The following MRPL50 variants were observed in gnomAD, a reference collection of about 807,000 sequenced individuals.
The protein encoded by MRPL50 is mitochondrial ribosomal protein L50, also known as large ribosomal subunit protein mL50.
A neutral mutation model predicts 16.2 loss-of-function variants in MRPL50; 10 were observed. The ratio of observed to expected loss-of-function variants is 0.62; its 90% confidence interval spans 0.38 to 1.05. MRPL50 has a LOEUF of 1.05. MRPL50 is among the 50% of genes least tolerant of loss of function. The probability of loss-of-function intolerance (pLI) is 0.01; values close to 1 mark genes in which losing one functional copy is unlikely to be tolerated. For synonymous variants in MRPL50, 68 were observed against 66.8 expected, an observed-to-expected ratio of 1.02 and a Z score of -0.09; for missense variants, 213 against 187.1, an observed-to-expected ratio of 1.14 and a Z score of -0.81.
chr9:101,393,447 T>C (rs1237849681), intron 1 of MRPL50, among the ~76,000 whole-genome samples: 2 of 152,124 alleles, frequency 1.3e-5, no homozygotes, highest in African/African-American at 2.4e-5. Flanking sequence ...TGATATATGA[T>C]CTTACGTATC....
chr9:101,394,666 C>T (rs528396431), intron 1 of MRPL50, among the ~76,000 whole-genome samples: 27 of 152,250 alleles, frequency 1.8e-4, no homozygotes, highest in African/African-American at 5.8e-4. Context: ...AAAGTGAACC[C>T]GTTGGGCAGT....
chr9:101,395,707 A>C (rs1830330516), intron 1 of MRPL50, among the ~76,000 whole-genome samples: 1 of 146,772 alleles, frequency 6.8e-6, no homozygotes, highest in South Asian at 2.1e-4. Flanking sequence ...GTGTGAACCA[A>C]AAAAAAAAAA....
intron 1 of MRPL50, among the ~76,000 whole-genome samples, chr9:101,392,699 T>C (rs1263981547): frequency 6.6e-6 from 1 of 152,014 alleles, no homozygotes; most frequent in Admixed American, 6.6e-5. Flanking sequence ...CTAGCAAGCA[T>C]TTAAAGAAGA....
chr9:101,389,579 T>C lies in MRPL50; in HGVS notation c.*887A>G, dbSNP rs1249872971. 3 of 794,758 alleles carry C rather than the reference T, an allele frequency of 3.8e-6. No homozygotes were observed. Among genetic ancestry groups the C allele is most frequent in the East Asian group, 7.7e-5 (1 of 13,066 alleles). The allele number at this position is 794,758 out of a possible 1,614,324, so 49.2% of individuals were successfully genotyped here. A position where few individuals can be genotyped will look rare whatever the true frequency, so the allele number is the denominator to read the frequency against. On this transcript the variant is annotated 3_prime_UTR_variant, in exon 2 of 2. Coordinates refer to ENST00000374865, the MANE Select transcript of MRPL50 (RefSeq NM_019051.3). The stretch of plus-strand genomic sequence containing the variant: ...TCAGCAGTCAGAACAATATAAGACA[T>C]TCCTTCTGTCTCATTACTCTCCAGC...
rs752597494 is a variant in MRPL50, at chr9:101,390,612, C to T, written c.331G>A (p.Val111Ile). Residue 111 changes from valine to isoleucine, a missense_variant, in exon 2 of 2, where the codon GTA (valine) becomes ATA (isoleucine). By Grantham distance (29) the Val-to-Ile change is conservative. Coordinates refer to ENST00000374865, the MANE Select transcript of MRPL50 (RefSeq NM_019051.3). Reference sequence around the variant, plus strand: ...TGGTGGAGTCTGGAGTTAGGGACTACATGACCCAAGTCATCAGCTAAATGA... The same window carrying T: ...TGGTGGAGTCTGGAGTTAGGGACTATATGACCCAAGTCATCAGCTAAATGA... ...LAHLADDLGH[V>I]VPNSRLHQMC... The T allele has an allele frequency of 6.2e-7, 1 of 1,613,506 alleles. No individual in the cohort carries two copies. Among genetic ancestry groups the T allele is most frequent in the Non-Finnish European group, 8.5e-7 (1 of 1,179,528 alleles).
rs1199885671 is a variant in MRPL50 at position 101,388,633 on chromosome 9, T to C, written c.*1833A>G. Reference sequence around the variant, plus strand: ...CCATTATTCTGATATAGTCACTGTATTGAGCTATAAACCAGTGATGCCCTC... The same window carrying C: ...CCATTATTCTGATATAGTCACTGTACTGAGCTATAAACCAGTGATGCCCTC... On this transcript the variant is annotated 3_prime_UTR_variant, in exon 2 of 2. Transcript: ENST00000374865. The C allele has an allele frequency of 1.3e-5, 2 of 152,098 alleles. No homozygotes were observed. Among genetic ancestry groups the C allele is most frequent in the Admixed American group, 6.6e-5 (1 of 15,258 alleles). The allele number at this position is 152,098 out of a possible 1,614,324, so 9.4% of individuals were successfully genotyped here.
chr9:101,390,335 C>T lies in MRPL50; in HGVS notation c.*131G>A. On this transcript the variant is annotated 3_prime_UTR_variant, in exon 2 of 2. Coordinates refer to ENST00000374865, the MANE Select transcript of MRPL50 (RefSeq NM_019051.3). ...TGAGAAAAAAAAAGATGATACATTC[C>T]TCTACAGAAAAAGTGGGTTTAGAGA... The T allele has an allele frequency of 7.1e-7, 1 of 1,410,370 alleles. No homozygotes were observed. Among genetic ancestry groups the T allele is most frequent in the East Asian group, 2.5e-5 (1 of 39,740 alleles). 87.4% of individuals were successfully genotyped at this position (1,410,370 alleles called of 1,614,324 possible). A position where few individuals can be genotyped will look rare whatever the true frequency, so the allele number is the denominator to read the frequency against.
In MRPL50 at chr9:101,389,234, T is replaced by A. The variant is rs912772547; in HGVS notation, c.*1232A>T. Reference sequence around the variant, plus strand: ...ATGTGCATACATAATATGCAAATACTACATCATTTTATAAAAGGGGCTTGG... The same window carrying A: ...ATGTGCATACATAATATGCAAATACAACATCATTTTATAAAAGGGGCTTGG... On this transcript the variant is annotated 3_prime_UTR_variant, in exon 2 of 2. Transcript: ENST00000374865. The A allele has an allele frequency of 8.5e-6, 2 of 235,328 alleles. No homozygotes were observed. Among genetic ancestry groups the A allele is most frequent in the African/African-American group, 4.6e-5 (2 of 43,104 alleles). The allele number at this position is 235,328 out of a possible 1,614,324, so 14.6% of individuals were successfully genotyped here. A position where few individuals can be genotyped will look rare whatever the true frequency, so the allele number is the denominator to read the frequency against.
chr9:101,392,263 A>G (rs1830283304), intron 1 of MRPL50, among the ~76,000 whole-genome samples: 1 of 151,972 alleles, frequency 6.6e-6, no homozygotes, highest in Non-Finnish European at 1.5e-5. Flanking sequence ...AGAAAAAGAC[A>G]AACCAAATCC....
chr9:101,393,375 A>G (rs909040244), intron 1 of MRPL50, among the ~76,000 whole-genome samples: 6 of 152,198 alleles, frequency 3.9e-5, no homozygotes, highest in African/African-American at 1.4e-4. Flanking sequence ...TAGCCACAGC[A>G]ATTAGACAAG....
chr9:101,396,713 G>A lies in MRPL50; in HGVS notation c.92+1788C>T, dbSNP rs138888183. On this transcript the variant is annotated intron_variant, in intron 1 of 1. Transcript: ENST00000374865. ...AATCCCAGCACTTTGGGAGGCTGAGGTAGGTGGATCATGAGGTCAAGAGAT... is the reference window on the plus strand; with the variant it reads ...AATCCCAGCACTTTGGGAGGCTGAGATAGGTGGATCATGAGGTCAAGAGAT... Among the ~76,000 whole-genome samples the A allele has an allele frequency of 1.3e-3, 194 of 152,286 alleles. 5 individuals are homozygous for A. The East Asian group carries it at 0.021, about 17-fold the overall frequency.
In MRPL50 at chr9:101,398,426, A is replaced by T. The variant is rs572349577; in HGVS notation, c.92+75T>A. ...AGGCGCGGGACCACGATGGCGTAAC[A>T]CTCTATTTTGAATTCGTCCCTAATC... On this transcript the variant is annotated intron_variant, in intron 1 of 1. Coordinates refer to ENST00000374865, the MANE Select transcript of MRPL50 (RefSeq NM_019051.3). The T allele has an allele frequency of 3.7e-5, 51 of 1,388,046 alleles. No homozygotes were observed. The East Asian group carries it at 1.0e-3, about 27-fold the overall frequency. The allele number at this position is 1,388,046 out of a possible 1,614,324, so 86.0% of individuals were successfully genotyped here. A position where few individuals can be genotyped will look rare whatever the true frequency, so the allele number is the denominator to read the frequency against.
chr9:101,394,938 T>C (rs1002297703), intron 1 of MRPL50, among the ~76,000 whole-genome samples: 1 of 152,088 alleles, frequency 6.6e-6, no homozygotes, highest in African/African-American at 2.4e-5. Flanking sequence ...AATGGGATTA[T>C]ATCAAACTAA....
At chr9:101,395,689 G>A (rs112557698) in intron 1 of MRPL50, among the ~76,000 whole-genome samples, 10 of 150,984 alleles carry the variant, frequency 6.6e-5, no homozygotes, top group African/African-American at 2.2e-4. Context: ...GCATGTTCTC[G>A]CTCCTATGTG....
At chr9:101,393,973 G>A (rs1830306399) in intron 1 of MRPL50, among the ~76,000 whole-genome samples, 1 of 101,538 alleles carries the variant, frequency 9.8e-6, no homozygotes, top group South Asian at 3.3e-4. Context: ...GCCTTGAATA[G>A]CCAAAGTAAT....
rs41281029 is a variant in MRPL50 at position 101,389,698 on chromosome 9, G to A, written c.*768C>T. 27,389 of 294,104 alleles carry A rather than the reference G, an allele frequency of 0.093. 1,491 individuals carry two copies. The highest frequency in any genetic ancestry group is 0.14 in the South Asian group (4,429 of 32,042). The allele number at this position is 294,104 out of a possible 1,614,324, so 18.2% of individuals were successfully genotyped here. ...GCTATTTAAGTAATTTCCACAAATT[G>A]AGTGCATTAAAGCACAAAGACTTGC... On this transcript the variant is annotated 3_prime_UTR_variant, in exon 2 of 2. Transcript: ENST00000374865.
chr9:101,398,314 C>A (rs1484907701), intron 1 of MRPL50, among the ~76,000 whole-genome samples, 187 bp downstream of exon 1: 3 of 152,098 alleles, frequency 2.0e-5, no homozygotes. Context: ...AAACTAAGGC[C>A]GAGAGTGGAA....
chr9:101,389,312 A>G lies in MRPL50; in HGVS notation c.*1154T>C. ...GGTGTCCTGGAACCAATCCCCAAGG[A>G]ATCAACTCTAATGTCTAAGCTCCAG... On this transcript the variant is annotated 3_prime_UTR_variant, in exon 2 of 2. Coordinates refer to ENST00000374865, the MANE Select transcript of MRPL50 (RefSeq NM_019051.3). 2 of 391,254 alleles carry G rather than the reference A, an allele frequency of 5.1e-6. No homozygotes were observed. The highest frequency in any genetic ancestry group is 8.5e-6 in the Non-Finnish European group (2 of 235,632). The allele number at this position is 391,254 out of a possible 1,614,324, so 24.2% of individuals were successfully genotyped here. A position where few individuals can be genotyped will look rare whatever the true frequency, so the allele number is the denominator to read the frequency against.
In MRPL50 at chr9:101,388,476, G is replaced by C. The variant is rs1432177133; in HGVS notation, c.*1990C>G. 2 of 152,170 alleles carry C rather than the reference G, an allele frequency of 1.3e-5. No homozygotes were observed. Among genetic ancestry groups the C allele is most frequent in the East Asian group, 3.9e-4 (2 of 5,176 alleles). 9.4% of individuals were successfully genotyped at this position (152,170 alleles called of 1,614,324 possible). On this transcript the variant is annotated 3_prime_UTR_variant, in exon 2 of 2. Coordinates refer to ENST00000374865, the MANE Select transcript of MRPL50 (RefSeq NM_019051.3). Reference sequence around the variant, plus strand: ...CATAAAATTCCAATGATTCCATGCTGAATCTTTTACACAGCAGAAGCAGGA... The same window carrying C: ...CATAAAATTCCAATGATTCCATGCTCAATCTTTTACACAGCAGAAGCAGGA...
Sources: allele counts gnomAD v4.1 joint callset (sites outside exome capture counted in the v4.1 genomes callset), GRCh38; gene constraint gnomAD v4.1.1; transcripts MANE v1.5; gene names NCBI Gene and HGNC (gene_info 2026-07-23, HGNC 2026-07-21).